The following TANC2 variants were observed in gnomAD, a reference collection of about 807,000 sequenced individuals.
The protein encoded by TANC2 is protein TANC2.
TANC2 carries 26 observed loss-of-function variants against 210.5 expected under a neutral mutation model. That is an observed-to-expected ratio of 0.12 (90% CI 0.09 to 0.17). The LOEUF is 0.17. Among genes scored for constraint, TANC2 ranks in the 10% least tolerant of loss-of-function variants. The pLI is 1.00. For missense variants in TANC2, 2,129 were observed against 2,608.9 expected (o/e 0.82, Z 4.01); for synonymous variants, 931 against 967.1 (o/e 0.96, Z 0.69).
At chr17:63,207,224 T>C (rs2145843572) in intron 7 of TANC2, among the ~76,000 whole-genome samples, 1 of 144,402 alleles carries the variant, frequency 6.9e-6, no homozygotes, top group South Asian at 2.2e-4. Flanking sequence ...TTTTTTTTTT[T>C]TTTTTTTTTG....
intron 1 of TANC2, among the ~76,000 whole-genome samples, chr17:63,006,343 A>G (rs2033626173): frequency 6.6e-6 from 1 of 151,794 alleles, no homozygotes; most frequent in Admixed American, 6.6e-5. Flanking sequence ...GAAATTTTTG[A>G]AATAGAAGCT....
At chr17:63,202,483 A>C (rs1764597088) in intron 7 of TANC2, among the ~76,000 whole-genome samples, 1 of 152,122 alleles carries the variant, frequency 6.6e-6, no homozygotes, top group Admixed American at 6.5e-5. Flanking sequence ...ATTTTAATTA[A>C]AAGTTATTTA....
At chr17:63,121,787 G>T (rs1391367355) in intron 4 of TANC2, among the ~76,000 whole-genome samples, 1 of 152,016 alleles carries the variant, frequency 6.6e-6, no homozygotes, top group Non-Finnish European at 1.5e-5. Flanking sequence ...TCGGGTCTGG[G>T]TATCATTTTA....
chr17:62,999,857 C>T (rs184755787), intron 1 of TANC2, among the ~76,000 whole-genome samples: 1 of 152,246 alleles, frequency 6.6e-6, no homozygotes, highest in East Asian at 1.9e-4. Context: ...CAGCGGTAGA[C>T]TGGATAAAGA....
intron 11 of TANC2, among the ~76,000 whole-genome samples, chr17:63,339,408 A>G (rs1199917451): frequency 6.6e-6 from 1 of 152,230 alleles, no homozygotes; most frequent in Non-Finnish European, 1.5e-5. Flanking sequence ...CTAGAACTCC[A>G]GGTCCTAGCC....
At chr17:63,075,564 C>T (rs974618992) in intron 3 of TANC2, among the ~76,000 whole-genome samples, 3 of 152,038 alleles carry the variant, frequency 2.0e-5, no homozygotes, top group Non-Finnish European at 2.9e-5. Flanking sequence ...CTTGCTTTGT[C>T]GCCTAGGCTG....
chr17:63,064,865 CTT>C (rs571504948), intron 2 of TANC2, among the ~76,000 whole-genome samples: 2 of 145,268 alleles, frequency 1.4e-5, no homozygotes, highest in Admixed American at 6.9e-5. Flanking sequence ...ATGTCTCAAA[CTT>C]TTTTTTTTTT....
intron 1 of TANC2, among the ~76,000 whole-genome samples, chr17:62,993,172 A>C (rs2032950796): frequency 6.6e-6 from 1 of 152,220 alleles, no homozygotes; most frequent in Non-Finnish European, 1.5e-5. Context: ...TCCTCAACTT[A>C]ATCACATCTT....
chr17:63,099,991 T>C (rs914289017), intron 4 of TANC2, among the ~76,000 whole-genome samples: 23 of 152,128 alleles, frequency 1.5e-4, no homozygotes, highest in African/African-American at 5.1e-4. Context: ...GGAAATAAAT[T>C]TTAATATATA....
chr17:63,244,860 G>A (rs72845220), intron 8 of TANC2, among the ~76,000 whole-genome samples: 21,728 of 152,074 alleles, frequency 0.14, 2,015 homozygotes, highest in Middle Eastern at 0.21. Context: ...TCATGATAGC[G>A]AATAAATCTC....
At chr17:63,193,103 A>T (rs1005224286) in intron 5 of TANC2, among the ~76,000 whole-genome samples, 4 of 152,204 alleles carry the variant, frequency 2.6e-5, no homozygotes, top group Admixed American at 2.6e-4. Flanking sequence ...TTTTCATTTT[A>T]TCAAGGAATA....
chr17:63,333,765 A>C (rs114552911), intron 11 of TANC2, among the ~76,000 whole-genome samples: 15 of 152,268 alleles, frequency 9.9e-5, no homozygotes, highest in African/African-American at 3.1e-4. Flanking sequence ...TATTTTAAGC[A>C]GTTGCCACAG....
intron 2 of TANC2, among the ~76,000 whole-genome samples, chr17:63,013,536 C>A (rs752867611): frequency 1.1e-4 from 16 of 151,930 alleles, no homozygotes; most frequent in Non-Finnish European, 2.2e-4. Context: ...CCGAGGCAGG[C>A]GGATCACTTG....
intron 9 of TANC2, among the ~76,000 whole-genome samples, chr17:63,287,485 G>A (rs766326708): frequency 1.3e-5 from 2 of 152,042 alleles, no homozygotes; most frequent in Admixed American, 6.5e-5. Flanking sequence ...ATTTTAGCTT[G>A]TTGGGTGTTA....
chr17:63,271,202 C>A (rs2043692267), intron 9 of TANC2, among the ~76,000 whole-genome samples: 1 of 152,062 alleles, frequency 6.6e-6, no homozygotes, highest in African/African-American at 2.4e-5. Context: ...GATTGAATGG[C>A]CGTTCTATTT....
At chr17:63,119,484 G>A (rs757529678) in intron 4 of TANC2, among the ~76,000 whole-genome samples, 3 of 152,188 alleles carry the variant, frequency 2.0e-5, no homozygotes, top group Non-Finnish European at 4.4e-5. Flanking sequence ...TGTATTAACA[G>A]TTATATATGT....
chr17:63,059,060 C>G (rs2035905262), intron 2 of TANC2, among the ~76,000 whole-genome samples: 3 of 152,164 alleles, frequency 2.0e-5, no homozygotes, highest in African/African-American at 2.4e-5. Context: ...ATTGATTCTT[C>G]TGATCCATGA....
chr17:63,069,294 G>A (rs1231736300), intron 2 of TANC2, among the ~76,000 whole-genome samples: 1 of 152,090 alleles, frequency 6.6e-6, no homozygotes, highest in African/African-American at 2.4e-5. Flanking sequence ...CTTTGTGGTG[G>A]TAGGCAGTCC....
rs531150062 is a variant in TANC2, at chr17:63,396,197, A to T, written c.3237+269A>T. The stretch of plus-strand genomic sequence containing the variant: ...ATGTTTTCCTCCCTGTTTAACAGAC[A>T]GTGGCACCAAGGCTCAAAGAGATGA... On this transcript the variant is annotated intron_variant, in intron 18 of 27. Coordinates refer to ENST00000689528, the Ensembl canonical transcript of TANC2. 11 of 382,678 alleles carry T rather than the reference A, an allele frequency of 2.9e-5. No homozygotes were observed. In the East Asian group the frequency reaches 5.6e-4, roughly 20 times the overall value. The allele number at this position is 382,678 out of a possible 1,614,324, so 23.7% of individuals were successfully genotyped here.
Sources: gnomAD v4.1 joint callset for allele counts (sites outside exome capture counted in the v4.1 genomes callset) on GRCh38, gnomAD v4.1.1 for gene constraint, MANE v1.5 for transcripts, NCBI Gene and HGNC (gene_info 2026-07-23, HGNC 2026-07-21) for gene names.